DYSF: variants seen among roughly 807,000 people sequenced by gnomAD.
DYSF encodes the protein dysferlin, also known as dystrophy-associated fer-1-like 1.
Under a neutral mutation model 274.9 loss-of-function variants are expected in DYSF, and 212 were observed. The ratio of observed to expected loss-of-function variants is 0.77; its 90% confidence interval spans 0.69 to 0.86. The LOEUF is 0.86. Among genes scored for constraint, DYSF ranks in the 40% least tolerant of loss-of-function variants. The pLI is 0.00. For synonymous variants in DYSF, 1,091 were observed against 1,078.7 expected (o/e 1.01, Z -0.22); for missense variants, 2,666 against 2,783.2 (o/e 0.96, Z 0.95).
At chr2:71,456,758 T>C (rs895677491) in intron 1 of DYSF, among the ~76,000 whole-genome samples, 2 of 151,978 alleles carry the variant, frequency 1.3e-5, no homozygotes, top group Non-Finnish European at 2.9e-5. Flanking sequence ...CAAGGTCACA[T>C]AGTGGCCACA....
At chr2:71,488,778 G>GT (rs1243880083) in intron 3 of DYSF, among the ~76,000 whole-genome samples, 5 of 152,152 alleles carry the variant, frequency 3.3e-5, no homozygotes, top group Admixed American at 3.3e-4. Context: ...GATCTACTCT[G>GT]TATCTTTTAG....
intron 27 of DYSF, 71 bp from the exon 28 acceptor site, chr2:71,570,158 C>T: frequency 7.1e-7 from 1 of 1,412,974 alleles, no homozygotes. Flanking sequence ...TGTCAAGTTG[C>T]ATCTTTTCTG....
intron 17 of DYSF, among the ~76,000 whole-genome samples, chr2:71,548,613 T>C (rs2152782450): frequency 6.6e-6 from 1 of 152,326 alleles, no homozygotes; most frequent in African/African-American, 2.4e-5. Flanking sequence ...TCCATACATG[T>C]GCCAGAGCAT....
rs1284817076 is a variant in DYSF at position 71,620,593 on chromosome 2, C to T, written c.4511C>T (p.Pro1504Leu). The change falls in exon 41 of 56, where the codon CCT becomes CTT. Residue 1504 changes from proline (P) to leucine (L), a missense_variant. Around this residue, in one of 3 missense-constraint regions of DYSF, gnomAD observed 1,460 missense variants for 1,502.1 expected, o/e 0.97. Coordinates refer to ENST00000410020, the MANE Select transcript of DYSF (RefSeq NM_001130987.2). ...TTGGCCCCCACTAACACGGCTTCTC[C>T]TCCATCCAGTCCTCATGTATGTACT... Reference protein sequence around the residue: ...SSLAPTNTASPPSSPHEEEFI... With the variant: ...SSLAPTNTASLPSSPHEEEFI... The T allele has an allele frequency of 6.4e-7, 1 of 1,551,560 alleles. No individual in the cohort carries two copies. Among genetic ancestry groups the T allele is most frequent in the African/African-American group, 1.4e-5 (1 of 73,082 alleles).
At chr2:71,587,375 T>A (rs1361367750) in intron 30 of DYSF, among the ~76,000 whole-genome samples, 1 of 152,226 alleles carries the variant, frequency 6.6e-6, no homozygotes, top group Non-Finnish European at 1.5e-5. Flanking sequence ...TGGGAGAGGC[T>A]CTTGCTGGTT....
At chr2:71,667,761 C>T (rs1018682126) in intron 48 of DYSF, among the ~76,000 whole-genome samples, 1 of 152,186 alleles carries the variant, frequency 6.6e-6, no homozygotes, top group Admixed American at 6.5e-5. Flanking sequence ...TCCCCTCACC[C>T]CTGTAGGCCT....
chr2:71,600,591 A>G, intron 33 of DYSF, 111 bp from the exon 34 acceptor site: 1 of 1,481,288 alleles, frequency 6.8e-7, no homozygotes, highest in Admixed American at 1.7e-5. Context: ...GGGTGCCCTT[A>G]CTACTGAGGC....
chr2:71,522,579 G>A (rs918510965), intron 12 of DYSF, among the ~76,000 whole-genome samples: 4 of 152,056 alleles, frequency 2.6e-5, no homozygotes, highest in Non-Finnish European at 4.4e-5. Context: ...TGAGGAGTCC[G>A]TCTCTTTCAG....
chr2:71,592,609 C>T (rs944820380), intron 32 of DYSF, among the ~76,000 whole-genome samples: 55 of 152,190 alleles, frequency 3.6e-4, no homozygotes, highest in African/African-American at 9.2e-4. Flanking sequence ...TGTGTGAATC[C>T]GGAATGTCTG....
intron 24 of DYSF, among the ~76,000 whole-genome samples, chr2:71,565,246 CTT>C (rs796705736): frequency 0.012 from 1,586 of 131,270 alleles, 30 homozygotes; most frequent in African/African-American, 0.042. Context: ...CCACCCAGCT[CTT>C]TTTTTTTTTT....
chr2:71,641,202 G>T, intron 41 of DYSF, among the ~76,000 whole-genome samples: 1 of 110,172 alleles, frequency 9.1e-6, no homozygotes, highest in Admixed American at 1.0e-4. Flanking sequence ...TTTTTGAGAC[G>T]GAGTCTCGCT....
rs145082837 is a variant in DYSF, at chr2:71,454,686, C to T, written c.88+600C>T. On this transcript the variant is annotated intron_variant, in intron 1 of 54. Coordinates refer to the DYSF transcript ENST00000258104. ...TTTCTCTGCCCCCAACCCCTGCCCC[C>T]AACGGACCAGTGGGTGGAGGGAGCG... Among the ~76,000 whole-genome samples the T allele has an allele frequency of 5.2e-3, 799 of 152,336 alleles. 4 individuals are homozygous for T. The highest frequency in any genetic ancestry group is 0.018 in the African/African-American group (764 of 41,566).
intron 17 of DYSF, among the ~76,000 whole-genome samples, chr2:71,541,817 T>C (rs1259563777): frequency 6.6e-6 from 1 of 152,204 alleles, no homozygotes; most frequent in Admixed American, 6.5e-5. Flanking sequence ...AGCAGTCTGA[T>C]GTGATTCTTT....
intron 1 of DYSF, among the ~76,000 whole-genome samples, chr2:71,470,952 T>A: frequency 6.6e-6 from 1 of 151,814 alleles, no homozygotes; most frequent in East Asian, 2.0e-4. Flanking sequence ...CAACCATGCC[T>A]GGCTAATTTT....
chr2:71,586,829 C>T (rs1465490545), intron 30 of DYSF, among the ~76,000 whole-genome samples: 1 of 152,046 alleles, frequency 6.6e-6, no homozygotes, highest in Non-Finnish European at 1.5e-5. Flanking sequence ...GCCTCCCTCC[C>T]TATGCTCACC....
At chr2:71,536,830 G>A (rs898880968) in intron 16 of DYSF, among the ~76,000 whole-genome samples, 1 of 152,184 alleles carries the variant, frequency 6.6e-6, no homozygotes, top group Admixed American at 6.5e-5. Flanking sequence ...ATCCAGAAGA[G>A]TGCTTTCTTC....
chr2:71,564,401 T>G (rs1289974511), intron 24 of DYSF, among the ~76,000 whole-genome samples, 188 bp downstream of exon 24: 1 of 152,178 alleles, frequency 6.6e-6, no homozygotes, highest in Non-Finnish European at 1.5e-5. Flanking sequence ...CCCAGGCCCC[T>G]GCACCTAGTC....
intron 36 of DYSF, among the ~76,000 whole-genome samples, chr2:71,606,291 A>G (rs551282072): frequency 5.9e-5 from 9 of 152,138 alleles, no homozygotes; most frequent in Admixed American, 4.6e-4. Context: ...CACTCTGCAC[A>G]CCTGTAGAAC....
intron 29 of DYSF, among the ~76,000 whole-genome samples, chr2:71,571,332 AGC>A (rs1207198987): frequency 3.3e-5 from 5 of 150,092 alleles, no homozygotes; most frequent in African/African-American, 7.4e-5. Flanking sequence ...GCACACGCAC[AGC>A]TCACACCCAG....
Sources: allele counts gnomAD v4.1 joint callset (sites outside exome capture counted in the v4.1 genomes callset), GRCh38; gene constraint gnomAD v4.1.1; regional missense constraint gnomAD v4.1.1; transcripts MANE v1.5; gene names NCBI Gene and HGNC (gene_info 2026-07-23, HGNC 2026-07-21).